The following CFDP1 variants were observed in gnomAD, a reference collection of about 807,000 sequenced individuals.
CFDP1 encodes the protein chromatin remodeling protein CFDP1, also known as heterochromatin-stabilizing protein CFDP1.
A neutral mutation model predicts 40.1 loss-of-function variants in CFDP1; 31 were observed. The ratio of observed to expected loss-of-function variants is 0.77; its 90% confidence interval spans 0.58 to 1.04. CFDP1 has a LOEUF of 1.04. CFDP1 is among the 50% of genes least tolerant of loss of function. CFDP1 has a pLI of 0.00. For synonymous variants in CFDP1, 167 were observed against 120.0 expected (o/e 1.39, Z -2.56); for missense variants, 423 against 343.4 (o/e 1.23, Z -1.83).
chr16:75,377,379 T>A (rs1407916189), intron 5 of CFDP1, among the ~76,000 whole-genome samples: 1 of 152,264 alleles, frequency 6.6e-6, no homozygotes, highest in Non-Finnish European at 1.5e-5. Flanking sequence ...CTTCTACCAC[T>A]ATATTGGTGT....
At chr16:75,321,671 CTA>C (rs2078364534) in intron 5 of CFDP1, among the ~76,000 whole-genome samples, 1 of 152,162 alleles carries the variant, frequency 6.6e-6, no homozygotes, top group Non-Finnish European at 1.5e-5. Context: ...GAAACAGAAA[CTA>C]AGAACTCATG....
intron 6 of CFDP1, among the ~76,000 whole-genome samples, chr16:75,304,782 T>C (rs1256557209): frequency 6.6e-6 from 1 of 152,184 alleles, no homozygotes; most frequent in African/African-American, 2.4e-5. Context: ...GCTTGGCAGA[T>C]GTGACTGGCC....
intron 4 of CFDP1, among the ~76,000 whole-genome samples, chr16:75,395,653 C>T (rs1387925830): frequency 6.6e-6 from 1 of 151,532 alleles, no homozygotes; most frequent in Non-Finnish European, 1.5e-5. Context: ...CACGAGACAC[C>T]GTCTCAAAAA....
chr16:75,359,828 C>T (rs886580315), intron 5 of CFDP1, among the ~76,000 whole-genome samples: 3 of 152,188 alleles, frequency 2.0e-5, no homozygotes, highest in African/African-American at 4.8e-5. Flanking sequence ...TATCTGAGTG[C>T]CAGTGTTTTA....
At position 75,320,661 on chromosome 16, in the gene CFDP1, C is replaced by T. The variant is rs562364081; in HGVS notation, c.651-15479G>A. Among the ~76,000 whole-genome samples, 10 of 152,270 alleles carry T rather than the reference C, an allele frequency of 6.6e-5. No homozygotes were observed. In the East Asian group the frequency reaches 1.7e-3, roughly 27 times the overall value. ...GGGGGACGAGTGGCTTTGCTATGGC[C>T]TTCCAGTCACCGTGAGGCTCAGCTG... On this transcript the variant is annotated intron_variant, in intron 5 of 6. Transcript: ENST00000283882.
intron 4 of CFDP1, among the ~76,000 whole-genome samples, chr16:75,397,958 T>G (rs2079011729): frequency 6.6e-6 from 1 of 152,246 alleles, no homozygotes; most frequent in African/African-American, 2.4e-5. Flanking sequence ...TTTGTGCTGT[T>G]TCTCTTGCCC....
chr16:75,423,629 T>G (rs1319732150), intron 1 of CFDP1, among the ~76,000 whole-genome samples: 1 of 151,988 alleles, frequency 6.6e-6, no homozygotes, highest in Admixed American at 6.6e-5. Context: ...ATTCTCCTGC[T>G]TCAGCCTCCC....
intron 5 of CFDP1, among the ~76,000 whole-genome samples, chr16:75,372,045 T>G (rs1597361003): frequency 6.6e-6 from 1 of 152,312 alleles, no homozygotes; most frequent in South Asian, 2.1e-4. Context: ...ATCCCTATTT[T>G]ACAGCTAAAA....
At chr16:75,421,724 T>C (rs886510404) in intron 1 of CFDP1, among the ~76,000 whole-genome samples, 13 of 152,144 alleles carry the variant, frequency 8.5e-5, no homozygotes, top group African/African-American at 2.9e-4. Context: ...CATTATCTGA[T>C]ACTAAAATCA....
intron 1 of CFDP1, among the ~76,000 whole-genome samples, chr16:75,431,892 G>GC (rs993324400): frequency 2.7e-5 from 1 of 37,518 alleles, no homozygotes; most frequent in Non-Finnish European, 8.7e-5. Context: ...ATAGGGATGA[G>GC]GGTGATGGGA....
chr16:75,419,012 A>C, intron 1 of CFDP1: 1 of 342,218 alleles, frequency 2.9e-6, no homozygotes, highest in Non-Finnish European at 6.0e-6. Context: ...GCATGGTGGC[A>C]CGCACCTGTA....
rs745967704 is a variant in CFDP1, at chr16:75,412,595, C to A, written c.342G>T (p.Trp114Cys). 4.3e-6 allele frequency: 7 copies of A among 1,614,092 alleles called. No homozygotes were observed. Among genetic ancestry groups the A allele is most frequent in the Non-Finnish European group, 5.9e-6 (7 of 1,180,012 alleles). ...GTCCCACATCATTGAGGAAGCTGGC[C>A]CAGAGTTCGTCCTCCTTCTTTTTCC... ...DARKKKEDEL[W>C]ASFLNDVGPK... The change falls in exon 3 of 7, where the codon TGG becomes TGT. Residue 114 changes from tryptophan (W) to cysteine (C), a missense_variant. Trp to Cys is a radical substitution (Grantham distance 215). Transcript: ENST00000283882.
intron 5 of CFDP1, among the ~76,000 whole-genome samples, chr16:75,367,318 C>T (rs892475915): frequency 3.3e-5 from 5 of 151,444 alleles, no homozygotes; most frequent in Non-Finnish European, 5.9e-5. Context: ...ATAGCTAATG[C>T]GTGCTGGGTT....
intron 4 of CFDP1, among the ~76,000 whole-genome samples, chr16:75,404,309 C>T (rs1320706778): frequency 6.7e-5 from 10 of 148,888 alleles, no homozygotes; most frequent in African/African-American, 2.5e-4. Flanking sequence ...GATCTCGGCT[C>T]ACTGCAAGCT....
At chr16:75,416,417 A>C (rs1361249629) in intron 1 of CFDP1, among the ~76,000 whole-genome samples, 1 of 151,848 alleles carries the variant, frequency 6.6e-6, no homozygotes, top group Non-Finnish European at 1.5e-5. Flanking sequence ...AGAAAAATGA[A>C]ACAAACAAAA....
Position 75,410,834 on chromosome 16 carries a change from A to G in CFDP1, c.530+991T>C, listed in dbSNP as rs1309527831. Among the ~76,000 whole-genome samples, 16 of 147,094 alleles carry G rather than the reference A, an allele frequency of 1.1e-4. No homozygotes were observed. In the East Asian group the frequency reaches 2.7e-3, roughly 25 times the overall value. On this transcript the variant is annotated intron_variant, in intron 4 of 6. Coordinates refer to ENST00000283882, the MANE Select transcript of CFDP1 (RefSeq NM_006324.3). ...TGAGACAGGAGAATGGCGTGAACCC[A>G]GGAGGTGGAGCTTGCAGTGAGCCGA...
chr16:75,415,248 G>A (rs1315920197), intron 1 of CFDP1, among the ~76,000 whole-genome samples: 2 of 152,136 alleles, frequency 1.3e-5, no homozygotes, highest in African/African-American at 4.8e-5. Flanking sequence ...ACATTCAAGG[G>A]TCCCCAACAA....
In CFDP1 at chr16:75,305,192, G is replaced by T. The variant is rs957952622; in HGVS notation, c.651-10C>A. 9.9e-6 allele frequency: 16 copies of T among 1,611,714 alleles called. No homozygotes were observed. Among genetic ancestry groups the T allele is most frequent in the Non-Finnish European group, 1.4e-5 (16 of 1,179,248 alleles). On this transcript the variant is annotated splice_polypyrimidine_tract_variant and intron_variant, in intron 5 of 6. Coordinates refer to ENST00000283882, the MANE Select transcript of CFDP1 (RefSeq NM_006324.3). ...ACTTGATCTTTTTAACCTAAGGAAA[G>T]AAAATATGAAAGATGTAGCAGGTAA...
chr16:75,314,428 G>A (rs984573157), intron 5 of CFDP1, among the ~76,000 whole-genome samples: 9 of 152,146 alleles, frequency 5.9e-5, no homozygotes, highest in Admixed American at 3.3e-4. Flanking sequence ...ACAAACCTAC[G>A]CAGACAGAAA....
Sources: allele counts gnomAD v4.1 joint callset (sites outside exome capture counted in the v4.1 genomes callset), GRCh38; gene constraint gnomAD v4.1.1; transcripts MANE v1.5; gene names NCBI Gene and HGNC (gene_info 2026-07-23, HGNC 2026-07-21).